CNTN4: variants seen among roughly 807,000 people sequenced by gnomAD.
CNTN4 encodes the protein contactin 4, also known as contactin-4.
Under a neutral mutation model 122.5 loss-of-function variants are expected in CNTN4, and 77 were observed. The ratio of observed to expected loss-of-function variants is 0.63; its 90% CI spans 0.52 to 0.76. The LOEUF (loss-of-function observed/expected upper bound fraction) is 0.76. CNTN4 is among the 30% of genes least tolerant of loss of function. CNTN4 has a pLI of 0.00. For missense variants in CNTN4, 1,256 were observed against 1,259.1 expected (o/e 1.00, Z 0.04); for synonymous variants, 512 against 447.0 (o/e 1.15, Z -1.83).
intron 8 of CNTN4, among the ~76,000 whole-genome samples, chr3:2,878,074 A>C (rs2150942473): frequency 6.6e-6 from 1 of 152,300 alleles, no homozygotes; most frequent in Non-Finnish European, 1.5e-5. Flanking sequence ...AAAATTTTTA[A>C]ACAGCAGTGA....
intron 6 of CNTN4, among the ~76,000 whole-genome samples, chr3:2,756,137 A>G (rs1342556259): frequency 6.6e-6 from 1 of 152,230 alleles, no homozygotes; most frequent in Admixed American, 6.5e-5. Context: ...TGTAGTACAT[A>G]TATTTTCACT....
chr3:2,296,425 T>C (rs2042313362), intron 2 of CNTN4, among the ~76,000 whole-genome samples: 1 of 152,186 alleles, frequency 6.6e-6, no homozygotes, highest in East Asian at 1.9e-4. Context: ...AGGTATTTTA[T>C]TCTCTTTGAA....
chr3:2,887,738 C>T (rs1409818760), intron 10 of CNTN4, among the ~76,000 whole-genome samples: 1 of 152,152 alleles, frequency 6.6e-6, no homozygotes, highest in East Asian at 1.9e-4. Flanking sequence ...AAATCTCTCT[C>T]ACCCCAAAGA....
At chr3:2,304,854 G>T (rs1269888072) in intron 2 of CNTN4, among the ~76,000 whole-genome samples, 1 of 150,838 alleles carries the variant, frequency 6.6e-6, no homozygotes, top group East Asian at 2.0e-4. Context: ...TAATAATCTG[G>T]TAAGATTGTA....
chr3:2,336,899 A>T (rs964869708), intron 2 of CNTN4, among the ~76,000 whole-genome samples: 19 of 152,252 alleles, frequency 1.2e-4, no homozygotes, highest in African/African-American at 3.9e-4. Context: ...ACATGCCTCA[A>T]ACTCTCAAGT....
At chr3:2,949,321 C>G (rs2094712527) in intron 13 of CNTN4, among the ~76,000 whole-genome samples, 1 of 152,130 alleles carries the variant, frequency 6.6e-6, no homozygotes, top group Non-Finnish European at 1.5e-5. Flanking sequence ...TAGCTGAATT[C>G]CTACTGGATT....
intron 3 of CNTN4, among the ~76,000 whole-genome samples, chr3:2,464,903 C>G (rs764065811): frequency 2.6e-5 from 4 of 152,136 alleles, no homozygotes; most frequent in African/African-American, 4.8e-5. Context: ...GCTTTGATAA[C>G]CTTATAGGCT....
At chr3:2,576,037 A>C (rs141626525) in intron 4 of CNTN4, among the ~76,000 whole-genome samples, 558 of 151,952 alleles carry the variant, frequency 3.7e-3, no homozygotes, top group Non-Finnish European at 6.3e-3. Flanking sequence ...GGGTTTCACC[A>C]TGTTAGCCAG....
chr3:2,852,272 A>G (rs537483997), intron 7 of CNTN4, among the ~76,000 whole-genome samples: 4 of 152,300 alleles, frequency 2.6e-5, no homozygotes, highest in African/African-American at 7.2e-5. Context: ...AAGCAGGATT[A>G]TTAGCTCCAA....
chr3:2,270,416 G>A (rs1273987649), intron 2 of CNTN4, among the ~76,000 whole-genome samples: 2 of 151,696 alleles, frequency 1.3e-5, no homozygotes, highest in African/African-American at 4.9e-5. Flanking sequence ...TGGGGAAGGG[G>A]GGGAATGAGG....
chr3:2,981,405 C>A (rs1426394121), intron 13 of CNTN4, among the ~76,000 whole-genome samples: 1 of 151,998 alleles, frequency 6.6e-6, no homozygotes, highest in Non-Finnish European at 1.5e-5. Context: ...GATCGCAGCA[C>A]TGCACTCCAG....
intron 7 of CNTN4, among the ~76,000 whole-genome samples, chr3:2,822,298 T>G: frequency 6.6e-6 from 1 of 152,232 alleles, no homozygotes; most frequent in East Asian, 1.9e-4. Context: ...ATCTTCAAAT[T>G]CTTTATGCCT....
intron 9 of CNTN4, among the ~76,000 whole-genome samples, chr3:2,886,086 A>G (rs2093973290): frequency 6.6e-6 from 1 of 152,172 alleles, no homozygotes; most frequent in Non-Finnish European, 1.5e-5. Context: ...TACCAGATTC[A>G]AGGGGAGGGG....
intron 4 of CNTN4, among the ~76,000 whole-genome samples, chr3:2,729,149 G>A (rs1356467349): frequency 1.3e-5 from 2 of 152,194 alleles, no homozygotes; most frequent in African/African-American, 4.8e-5. Flanking sequence ...AGAAAAGGGT[G>A]CTGTTCTAAG....
chr3:2,132,756 A>G (rs1392210046), intron 2 of CNTN4, among the ~76,000 whole-genome samples: 1 of 152,192 alleles, frequency 6.6e-6, no homozygotes. Context: ...TAATAAGATT[A>G]CTGTCATAAA....
At chr3:2,595,059 A>G (rs2080701915) in intron 4 of CNTN4, among the ~76,000 whole-genome samples, 1 of 152,200 alleles carries the variant, frequency 6.6e-6, no homozygotes, top group South Asian at 2.1e-4. Context: ...ACAGAACTTC[A>G]GATATGATCC....
At chr3:2,497,161 A>T (rs1333975551) in intron 3 of CNTN4, among the ~76,000 whole-genome samples, 1 of 152,186 alleles carries the variant, frequency 6.6e-6, no homozygotes. Context: ...ATATTAATTT[A>T]ACTATCACTT....
chr3:2,595,208 A>G (rs1046536892), intron 4 of CNTN4, among the ~76,000 whole-genome samples: 3 of 152,198 alleles, frequency 2.0e-5, no homozygotes, highest in African/African-American at 7.2e-5. Context: ...AGTATTTCTG[A>G]TGCATCCTTT....
chr3:2,270,858 T>C (rs2041266016), intron 2 of CNTN4, among the ~76,000 whole-genome samples: 1 of 152,156 alleles, frequency 6.6e-6, no homozygotes, highest in Non-Finnish European at 1.5e-5. Flanking sequence ...TGCAGTTGTT[T>C]AGTATGCAAA....
Sources: gnomAD v4.1 joint callset for allele counts (sites outside exome capture counted in the v4.1 genomes callset) on GRCh38, gnomAD v4.1.1 for gene constraint, MANE v1.5 for transcripts, NCBI Gene and HGNC (gene_info 2026-07-23, HGNC 2026-07-21) for gene names.